The following GRM8 variants were observed in gnomAD, a reference collection of about 807,000 sequenced individuals.
GRM8 encodes the protein glutamate metabotropic receptor 8.
GRM8 carries 47 observed loss-of-function variants against 87.2 expected under a neutral mutation model. The ratio of observed to expected loss-of-function variants is 0.54; its 90% CI spans 0.43 to 0.69. The LOEUF (loss-of-function observed/expected upper bound fraction) is 0.69. Among genes scored for constraint, GRM8 ranks in the 30% least tolerant of loss-of-function variants. The probability of loss-of-function intolerance (pLI) is 0.00; values close to 1 mark genes in which losing one functional copy is unlikely to be tolerated. For synonymous variants in GRM8, 396 were observed against 404.5 expected, an observed-to-expected ratio of 0.98 and a Z score of 0.25; for missense variants, 1,019 against 1,139.2, an observed-to-expected ratio of 0.89 and a Z score of 1.52.
At chr7:126,962,262 G>C (rs1178407772) in intron 3 of GRM8, among the ~76,000 whole-genome samples, 1 of 152,218 alleles carries the variant, frequency 6.6e-6, no homozygotes, top group African/African-American at 2.4e-5. Flanking sequence ...TAGATTAAGT[G>C]ACTTGGCCAA....
In GRM8 at chr7:126,689,651, G is replaced by A. The variant is rs145221856; in HGVS notation, c.1358-80153C>T. On this transcript the variant is annotated intron_variant, in intron 7 of 10. Coordinates refer to ENST00000339582, the MANE Select transcript of GRM8 (RefSeq NM_000845.3). ...AAAGGATTTTCCAAAAGAGATTTGC[G>A]GAATGAGAGGGACTGGCCAGAAGCA... 4.5e-3 allele frequency among the ~76,000 whole-genome samples: 689 copies of A among 152,174 alleles called. 10 individuals carry two copies. Among genetic ancestry groups the A allele is most frequent in the South Asian group, 0.041 (199 of 4,816 alleles).
chr7:127,026,318 T>C (rs919751307), intron 3 of GRM8, among the ~76,000 whole-genome samples: 1 of 152,172 alleles, frequency 6.6e-6, no homozygotes. Flanking sequence ...TACGTGTGCA[T>C]GTGTCTTTAT....
intron 7 of GRM8, among the ~76,000 whole-genome samples, chr7:126,754,955 G>GA (rs67908856): frequency 0.03 from 4,461 of 149,784 alleles, 193 homozygotes; most frequent in African/African-American, 0.1. Context: ...ATGCTAAAAA[G>GA]AAAAAAAAAA....
chr7:127,128,615 A>G (rs1435220877), intron 2 of GRM8, among the ~76,000 whole-genome samples: 3 of 152,176 alleles, frequency 2.0e-5, no homozygotes, highest in African/African-American at 2.4e-5. Context: ...TTTTGCAACT[A>G]TCTTATAAAG....
chr7:126,745,418 T>TATATTATATTATATTATA (rs1815539099), intron 7 of GRM8, among the ~76,000 whole-genome samples: 1 of 150,690 alleles, frequency 6.6e-6, no homozygotes, highest in Non-Finnish European at 1.5e-5. Flanking sequence ...TATATTATAC[T>TATATTATATTATATTATA]TGTTTCTCTT....
At chr7:126,973,152 T>G (rs1810606215) in intron 3 of GRM8, among the ~76,000 whole-genome samples, 1 of 152,208 alleles carries the variant, frequency 6.6e-6, no homozygotes, top group African/African-American at 2.4e-5. Flanking sequence ...GAAAAGCTTG[T>G]AAAAACACAT....
intron 1 of GRM8, among the ~76,000 whole-genome samples, chr7:127,248,287 G>A (rs1045269875): frequency 1.3e-5 from 2 of 152,178 alleles, no homozygotes; most frequent in Non-Finnish European, 2.9e-5. Context: ...ACAACTATGA[G>A]GATGGTATCA....
chr7:127,076,782 T>A (rs998246886), intron 3 of GRM8, among the ~76,000 whole-genome samples: 2 of 152,172 alleles, frequency 1.3e-5, no homozygotes, highest in Non-Finnish European at 2.9e-5. Context: ...TCAAACTCTA[T>A]AAACAAATGC....
intron 3 of GRM8, among the ~76,000 whole-genome samples, chr7:126,982,201 C>A (rs1811608964): frequency 6.6e-6 from 1 of 152,188 alleles, no homozygotes; most frequent in African/African-American, 2.4e-5. Flanking sequence ...CTAACCTTTT[C>A]ATGCTTTTCT....
intron 9 of GRM8, among the ~76,000 whole-genome samples, chr7:126,516,190 G>A (rs1812134132): frequency 6.6e-6 from 1 of 151,930 alleles, no homozygotes; most frequent in Non-Finnish European, 1.5e-5. Flanking sequence ...AGGACATCCA[G>A]TTACATTTTA....
chr7:126,904,388 G>T (rs1328794777), intron 4 of GRM8, among the ~76,000 whole-genome samples, 160 bp downstream of exon 4: 1 of 151,972 alleles, frequency 6.6e-6, no homozygotes, highest in Non-Finnish European at 1.5e-5. Flanking sequence ...ATCTCATTTG[G>T]TCCCCAAGTT....
chr7:126,645,484 G>C (rs1802926596), intron 7 of GRM8, among the ~76,000 whole-genome samples: 2 of 152,028 alleles, frequency 1.3e-5, no homozygotes, highest in South Asian at 4.2e-4. Flanking sequence ...CTAGCCCCCT[G>C]CCCACCAAAC....
intron 3 of GRM8, among the ~76,000 whole-genome samples, chr7:126,927,309 T>C (rs937875077): frequency 6.6e-6 from 1 of 152,078 alleles, no homozygotes; most frequent in African/African-American, 2.4e-5. Flanking sequence ...TAGTATGTTT[T>C]TTTTTTCTTT....
intron 7 of GRM8, among the ~76,000 whole-genome samples, chr7:126,688,874 C>T (rs1046797283): frequency 1.3e-5 from 2 of 152,076 alleles, no homozygotes; most frequent in African/African-American, 2.4e-5. Context: ...TGAGAGCTCT[C>T]GCTTTTCCTC....
intron 2 of GRM8, among the ~76,000 whole-genome samples, chr7:127,177,875 T>G (rs1794206570): frequency 6.6e-6 from 1 of 152,186 alleles, no homozygotes; most frequent in Non-Finnish European, 1.5e-5. Context: ...ATCTTCCCTC[T>G]GACAGAGGCC....
At chr7:126,564,207 T>C (rs1384545794) in intron 8 of GRM8, among the ~76,000 whole-genome samples, 1 of 151,936 alleles carries the variant, frequency 6.6e-6, no homozygotes, top group Admixed American at 6.6e-5. Flanking sequence ...TAATTGGGGG[T>C]TTTGATCAAT....
At chr7:126,509,784 T>C (rs577743309) in intron 9 of GRM8, among the ~76,000 whole-genome samples, 1 of 152,086 alleles carries the variant, frequency 6.6e-6, no homozygotes, top group Non-Finnish European at 1.5e-5. Context: ...GGAGAAAATA[T>C]TGGAGAAATG....
chr7:127,007,476 T>C (rs1814433892), intron 3 of GRM8, among the ~76,000 whole-genome samples: 3 of 152,114 alleles, frequency 2.0e-5, no homozygotes, highest in South Asian at 2.1e-4. Context: ...TGCTTTACTT[T>C]ATATTAATAA....
At chr7:126,970,047 T>C (rs1179228527) in intron 3 of GRM8, among the ~76,000 whole-genome samples, 1 of 152,160 alleles carries the variant, frequency 6.6e-6, no homozygotes, top group Non-Finnish European at 1.5e-5. Flanking sequence ...AAAATATTCA[T>C]TAAACCATGC....
Sources: allele counts gnomAD v4.1 joint callset (sites outside exome capture counted in the v4.1 genomes callset), GRCh38; gene constraint gnomAD v4.1.1; transcripts MANE v1.5; gene names NCBI Gene and HGNC (gene_info 2026-07-23, HGNC 2026-07-21).